The following MARCHF4 variants were observed in gnomAD, a reference collection of about 807,000 sequenced individuals.
The protein encoded by MARCHF4 is E3 ubiquitin-protein ligase MARCHF4.
In MARCHF4, 14 loss-of-function variants were observed where a neutral mutation model predicts 43.9. That is an observed-to-expected ratio of 0.32 (90% CI 0.21 to 0.50). The LOEUF is 0.50. MARCHF4 is among the 20% of genes least tolerant of loss of function. The probability of loss-of-function intolerance (pLI) is 0.98; values close to 1 mark genes in which losing one functional copy is unlikely to be tolerated. For missense variants in MARCHF4, 468 were observed against 536.7 expected (o/e 0.87, Z 1.27); for synonymous variants, 226 against 213.3 (o/e 1.06, Z -0.52).
chr2:216,348,131 C>T (rs894088999), intron 1 of MARCHF4, among the ~76,000 whole-genome samples: 6 of 150,792 alleles, frequency 4.0e-5, no homozygotes, highest in Non-Finnish European at 5.9e-5. Context: ...TCCGCCTCCC[C>T]GGTTCAAGTG....
At chr2:216,307,189 C>CT (rs1366495704) in intron 1 of MARCHF4, among the ~76,000 whole-genome samples, 1 of 152,164 alleles carries the variant, frequency 6.6e-6, no homozygotes, top group East Asian at 1.9e-4. Flanking sequence ...GTGCCTCTCT[C>CT]TGAGTTCCAA....
intron 3 of MARCHF4, among the ~76,000 whole-genome samples, chr2:216,263,375 C>T (rs1210262339): frequency 1.3e-5 from 2 of 150,780 alleles, no homozygotes; most frequent in African/African-American, 2.4e-5. Context: ...TGCAGTGAGC[C>T]GAGATCATGC....
chr2:216,287,810 A>G (rs898558686), intron 1 of MARCHF4, among the ~76,000 whole-genome samples: 1 of 152,036 alleles, frequency 6.6e-6, no homozygotes, highest in Non-Finnish European at 1.5e-5. Flanking sequence ...TAAAAAAAAA[A>G]AAGAACATGG....
At position 216,369,940 on chromosome 2, in the gene MARCHF4, T is replaced by G. The variant is rs913206855; in HGVS notation, c.321A>C (p.Pro107=). Residue 107 remains proline (P), a synonymous_variant, in exon 1 of 4, where the codon CCA becomes CCC. Transcript: ENST00000273067. ...CCACAGAAGAAGGTGGCAAGGGGGGTGGAGGTGGCACAGGAGGGGGCTCCC... is the reference window on the plus strand; with the variant it reads ...CCACAGAAGAAGGTGGCAAGGGGGGGGGAGGTGGCACAGGAGGGGGCTCCC... ...VGREPPPVPP[P]PPLPPSSVED... 6.2e-7 allele frequency: 1 copy of G among 1,600,864 alleles called. No individual in the cohort carries two copies. The highest frequency in any genetic ancestry group is 8.5e-7 in the Non-Finnish European group (1 of 1,173,272).
chr2:216,358,411 CCA>C (rs1181255167), intron 1 of MARCHF4, among the ~76,000 whole-genome samples: 1 of 152,104 alleles, frequency 6.6e-6, no homozygotes, highest in Non-Finnish European at 1.5e-5. Flanking sequence ...CCTTTAATGT[CCA>C]GTTTTTAGAA....
At chr2:216,292,990 G>C (rs999645876) in intron 1 of MARCHF4, among the ~76,000 whole-genome samples, 7 of 152,182 alleles carry the variant, frequency 4.6e-5, no homozygotes, top group African/African-American at 1.7e-4. Context: ...CTGCCCTAGA[G>C]AATGATTAAG....
Position 216,293,351 on chromosome 2 carries a change from T to A in MARCHF4, c.517-9622A>T, listed in dbSNP as rs565870871. ...GAGGAAATAAGGCATTGTTGCAAGATAATTTGATTAAAAAAAGAAAGAACT... is the reference window on the plus strand; with the variant it reads ...GAGGAAATAAGGCATTGTTGCAAGAAAATTTGATTAAAAAAAGAAAGAACT... On this transcript the variant is annotated intron_variant, in intron 1 of 3. Transcript: ENST00000273067. Among the ~76,000 whole-genome samples, 3 of 152,216 alleles carry A rather than the reference T, an allele frequency of 2.0e-5. No individual in the cohort carries two copies. The East Asian group carries it at 5.8e-4, about 29-fold the overall frequency.
intron 1 of MARCHF4, among the ~76,000 whole-genome samples, chr2:216,324,355 G>C (rs1490219912): frequency 4.1e-5 from 6 of 147,316 alleles, no homozygotes; most frequent in African/African-American, 7.5e-5. Context: ...TCCAGGACCA[G>C]ATGGATTCAC....
intron 1 of MARCHF4, among the ~76,000 whole-genome samples, chr2:216,318,878 C>T (rs1008622799): frequency 1.3e-5 from 2 of 152,010 alleles, no homozygotes; most frequent in Non-Finnish European, 2.9e-5. Context: ...ACACAGATTT[C>T]AGAAAAGGGA....
chr2:216,365,568 C>T (rs1461890306), intron 1 of MARCHF4, among the ~76,000 whole-genome samples: 2 of 152,234 alleles, frequency 1.3e-5, no homozygotes, highest in Non-Finnish European at 2.9e-5. Flanking sequence ...GGACACATCT[C>T]TTCTGCTTCC....
In MARCHF4 at chr2:216,309,542, C is replaced by A. The variant is rs146595137; in HGVS notation, c.517-25813G>T. ...CCTAACTAATCAGAAGACTCCTACCCTGGGACACAGTGATTGGTTTAGAAA... is the reference window on the plus strand; with the variant it reads ...CCTAACTAATCAGAAGACTCCTACCATGGGACACAGTGATTGGTTTAGAAA... On this transcript the variant is annotated intron_variant, in intron 1 of 3. Coordinates refer to ENST00000273067, the MANE Select transcript of MARCHF4 (RefSeq NM_020814.3). 3.5e-3 allele frequency among the ~76,000 whole-genome samples: 531 copies of A among 152,322 alleles called. 1 individual carries two copies. The highest frequency in any genetic ancestry group is 5.3e-3 in the Non-Finnish European group (360 of 68,036).
intron 1 of MARCHF4, among the ~76,000 whole-genome samples, chr2:216,339,902 A>C (rs910522996): frequency 6.6e-6 from 1 of 151,996 alleles, no homozygotes; most frequent in Non-Finnish European, 1.5e-5. Context: ...AATTTCCACC[A>C]TCTCTCTGGG....
At chr2:216,318,300 AC>A (rs1365115907) in intron 1 of MARCHF4, among the ~76,000 whole-genome samples, 1 of 152,220 alleles carries the variant, frequency 6.6e-6, no homozygotes, top group Non-Finnish European at 1.5e-5. Context: ...AAGCGGGCAA[AC>A]GAACGCCCCT....
intron 1 of MARCHF4, among the ~76,000 whole-genome samples, chr2:216,297,023 A>G (rs1691407371): frequency 6.6e-6 from 1 of 152,174 alleles, no homozygotes; most frequent in Non-Finnish European, 1.5e-5. Flanking sequence ...ACACCTCTCA[A>G]GGAAACGTAC....
At chr2:216,302,447 A>C (rs1691506358) in intron 1 of MARCHF4, among the ~76,000 whole-genome samples, 1 of 147,734 alleles carries the variant, frequency 6.8e-6, no homozygotes, top group Non-Finnish European at 1.5e-5. Context: ...CCAGGATGGT[A>C]TTTATCTCCT....
chr2:216,318,492 A>T (rs193260705), intron 1 of MARCHF4, among the ~76,000 whole-genome samples: 1 of 152,278 alleles, frequency 6.6e-6, no homozygotes, highest in East Asian at 1.9e-4. Context: ...CAATAAAGGG[A>T]TGGAGAGCAA....
chr2:216,360,855 C>T (rs955893526), intron 1 of MARCHF4, among the ~76,000 whole-genome samples: 1 of 151,814 alleles, frequency 6.6e-6, no homozygotes, highest in African/African-American at 2.4e-5. Flanking sequence ...GAGATGGAGT[C>T]TTACTATGTT....
chr2:216,290,660 G>A (rs58097876), intron 1 of MARCHF4, among the ~76,000 whole-genome samples: 16,776 of 152,146 alleles, frequency 0.11, 1,005 homozygotes, highest in South Asian at 0.2. Flanking sequence ...GGTGAGTCAC[G>A]ATGGTGTTTT....
Position 216,272,235 on chromosome 2 carries a change from C to A in MARCHF4, c.865+5437G>T, listed in dbSNP as rs368197149. Among the ~76,000 whole-genome samples, 12 of 152,124 alleles carry A rather than the reference C, an allele frequency of 7.9e-5. No homozygotes were observed. In the South Asian group the frequency reaches 8.3e-4, roughly 11 times the overall value. ...GATTTAGCTTCTCTCACCTGAAGAA[C>A]CTTTCACCAGAGTGTCTTATAGGGA... On this transcript the variant is annotated intron_variant, in intron 3 of 3. Transcript: ENST00000273067.
Sources: gnomAD v4.1 joint callset for allele counts (sites outside exome capture counted in the v4.1 genomes callset) on GRCh38, gnomAD v4.1.1 for gene constraint, MANE v1.5 for transcripts, NCBI Gene and HGNC (gene_info 2026-07-23, HGNC 2026-07-21) for gene names.